SLC4A5: variants seen among roughly 807,000 people sequenced by gnomAD.
SLC4A5 encodes electrogenic sodium bicarbonate cotransporter 4.
Under a neutral mutation model 120.4 loss-of-function variants are expected in SLC4A5, and 96 were observed. The observed-to-expected ratio is 0.80, with a 90% CI of 0.68 to 0.94. SLC4A5 has a LOEUF of 0.94. Among genes scored for constraint, SLC4A5 ranks in the 40% least tolerant of loss-of-function variants. The pLI is 0.00. For synonymous variants in SLC4A5, 550 were observed against 571.1 expected, an observed-to-expected ratio of 0.96 and a Z score of 0.53; for missense variants, 1,259 against 1,459.5, an observed-to-expected ratio of 0.86 and a Z score of 2.24.
At chr2:74,263,493 T>C (rs536165337) in intron 10 of SLC4A5, among the ~76,000 whole-genome samples, 14 of 152,284 alleles carry the variant, frequency 9.2e-5, no homozygotes, top group African/African-American at 3.4e-4. Flanking sequence ...AGGGCTAGTG[T>C]CCCTGGGCAT....
intron 5 of SLC4A5, among the ~76,000 whole-genome samples, chr2:74,317,450 T>C (rs552012192): frequency 2.6e-5 from 4 of 152,158 alleles, no homozygotes; most frequent in African/African-American, 7.2e-5. Flanking sequence ...TCAGAGGCAA[T>C]AGGGATATCT....
chr2:74,264,678 T>C, intron 9 of SLC4A5, among the ~76,000 whole-genome samples: 1 of 152,198 alleles, frequency 6.6e-6, no homozygotes, highest in Non-Finnish European at 1.5e-5. Flanking sequence ...CAAAATCCAA[T>C]GTGCTAGAAC....
intron 5 of SLC4A5, among the ~76,000 whole-genome samples, chr2:74,321,196 C>T (rs1026990127): frequency 6.6e-6 from 1 of 152,144 alleles, no homozygotes; most frequent in Non-Finnish European, 1.5e-5. Flanking sequence ...CTAGTTACTT[C>T]CCTGATGCCC....
At chr2:74,229,116 T>TTTTTTTTTTTTTTTTTTTTG (rs1553451209) in intron 25 of SLC4A5, among the ~76,000 whole-genome samples, 1 of 136,538 alleles carries the variant, frequency 7.3e-6, no homozygotes, top group African/African-American at 2.9e-5. Flanking sequence ...TTTTTTTTTT[T>TTTTTTTTTTTTTTTTTTTTG]CTTGAGACAG....
At chr2:74,234,248 C>G (rs374679320) in intron 22 of SLC4A5, among the ~76,000 whole-genome samples, 2 of 151,444 alleles carry the variant, frequency 1.3e-5, no homozygotes, top group Non-Finnish European at 2.9e-5. Context: ...GCGTGATCTC[C>G]GCTCACTGCA....
chr2:74,266,154 CA>C (rs1453370115), intron 8 of SLC4A5, among the ~76,000 whole-genome samples: 1 of 152,172 alleles, frequency 6.6e-6, no homozygotes, highest in Non-Finnish European at 1.5e-5. Context: ...CATGCCTTAG[CA>C]CATATAGAAA....
At chr2:74,219,221 T>TGTGTG (rs1558861679) in intron 30 of SLC4A5, among the ~76,000 whole-genome samples, 270 of 90,300 alleles carry the variant, frequency 3.0e-3, no homozygotes, top group South Asian at 4.0e-3. Flanking sequence ...GTGTGTGTGT[T>TGTGTG]TGTGTGTGTT....
chr2:74,300,400 T>G (rs1483386527), intron 7 of SLC4A5, among the ~76,000 whole-genome samples: 2 of 152,244 alleles, frequency 1.3e-5, no homozygotes, highest in Non-Finnish European at 2.9e-5. Flanking sequence ...TTGATTGTGG[T>G]AATCATCTCA....
intron 4 of SLC4A5, among the ~76,000 whole-genome samples, chr2:74,330,737 G>A (rs1673338792): frequency 7.0e-6 from 1 of 143,376 alleles, no homozygotes; most frequent in South Asian, 2.3e-4. Context: ...GATGGTGGTG[G>A]CAGTGAGGTC....
chr2:74,239,804 C>T (rs567289286), intron 20 of SLC4A5, among the ~76,000 whole-genome samples: 4 of 152,290 alleles, frequency 2.6e-5, no homozygotes, highest in Admixed American at 6.5e-5. Flanking sequence ...ATGCCTGGCT[C>T]CCATCAACCA....
exon 28 of SLC4A5, chr2:74,224,944 G>A (rs1212161672): frequency 6.2e-7 from 1 of 1,613,978 alleles, no homozygotes; most frequent in Non-Finnish European, 8.5e-7. Flanking sequence ...GCCAGGTCGT[G>A]CTGGGAAAAG....
intron 5 of SLC4A5, among the ~76,000 whole-genome samples, chr2:74,316,121 G>A (rs1477249690): frequency 4.0e-5 from 6 of 151,788 alleles, no homozygotes; most frequent in African/African-American, 1.5e-4. Context: ...TGGACAATCT[G>A]TTTCTGGAAC....
chr2:74,262,326 T>G (rs2104035983), intron 10 of SLC4A5, 94 bp from the exon 11 acceptor site: 1 of 778,592 alleles, frequency 1.3e-6, no homozygotes, highest in South Asian at 1.9e-5. Context: ...TAAAACTGGG[T>G]GGCAAGACAT....
intron 2 of SLC4A5, among the ~76,000 whole-genome samples, chr2:74,340,281 T>G (rs981446042): frequency 2.0e-5 from 3 of 152,236 alleles, no homozygotes; most frequent in Non-Finnish European, 4.4e-5. Flanking sequence ...AAATGTAGAT[T>G]AATCACAAAG....
At chr2:74,260,523 G>C (rs997910179) in intron 11 of SLC4A5, among the ~76,000 whole-genome samples, 2 of 152,008 alleles carry the variant, frequency 1.3e-5, no homozygotes, top group African/African-American at 2.4e-5. Flanking sequence ...GTCCCCTCTG[G>C]CACCTCAAAT....
chr2:74,251,457 T>A (rs1670787205), intron 16 of SLC4A5, among the ~76,000 whole-genome samples: 1 of 151,814 alleles, frequency 6.6e-6, no homozygotes. Flanking sequence ...GAGAACTTTC[T>A]CTTATTTTCT....
intron 8 of SLC4A5, among the ~76,000 whole-genome samples, chr2:74,275,463 C>T (rs1405091800): frequency 6.6e-6 from 1 of 152,186 alleles, no homozygotes; most frequent in Non-Finnish European, 1.5e-5. Flanking sequence ...CTGTCATCTA[C>T]GCAGTGGTCT....
At chr2:74,343,207 A>AG (rs928292182) in intron 1 of SLC4A5, 149 bp downstream of exon 1, 2 of 152,152 alleles carry the variant, frequency 1.3e-5, no homozygotes, top group Admixed American at 6.5e-5. Flanking sequence ...AGTCTTGTAC[A>AG]GGCCTTTAGC....
intron 9 of SLC4A5, 84 bp downstream of exon 9, chr2:74,265,020 A>T: frequency 6.8e-7 from 1 of 1,462,974 alleles, no homozygotes; most frequent in South Asian, 1.3e-5. Context: ...CGTCACACAG[A>T]CTTGAGGGCA....
Sources: allele counts gnomAD v4.1 joint callset (sites outside exome capture counted in the v4.1 genomes callset), GRCh38; gene constraint gnomAD v4.1.1; transcripts MANE v1.5; gene names NCBI Gene and HGNC (gene_info 2026-07-23, HGNC 2026-07-21).